The following PIGU variants were observed in gnomAD, a reference collection of about 807,000 sequenced individuals.
PIGU encodes the protein GPI-anchor transamidase component PIGU.
PIGU carries 24 observed loss-of-function variants against 49.9 expected under a neutral mutation model. The observed-to-expected ratio is 0.48, with a 90% CI of 0.35 to 0.68. The LOEUF (loss-of-function observed/expected upper bound fraction) is 0.68. Ranked by LOEUF, PIGU falls within the 30% of genes least tolerant of loss-of-function variation. PIGU has a pLI of 0.01. For missense variants in PIGU, 490 were observed against 532.6 expected, an observed-to-expected ratio of 0.92 and a Z score of 0.79; for synonymous variants, 220 against 205.7, an observed-to-expected ratio of 1.07 and a Z score of -0.59.
At chr20:34,633,727 C>A (rs1985868612) in intron 6 of PIGU, among the ~76,000 whole-genome samples, 1 of 151,954 alleles carries the variant, frequency 6.6e-6, no homozygotes, top group South Asian at 2.1e-4. Flanking sequence ...ACCACCACAC[C>A]CGGCTAATTT....
At chr20:34,663,144 A>G (rs1986979745) in intron 1 of PIGU, among the ~76,000 whole-genome samples, 1 of 152,146 alleles carries the variant, frequency 6.6e-6, no homozygotes, top group Non-Finnish European at 1.5e-5. Flanking sequence ...GGCTCAAGCC[A>G]TCTTCCCACC....
chr20:34,676,878 A>T lies in PIGU; in HGVS notation c.130+78T>A, dbSNP rs1014151052. On this transcript the variant is annotated intron_variant, in intron 1 of 11. Transcript: ENST00000217446. ...CTCTAGGAACCGCGCGCTGGCGGTC[A>T]CTGCCCCCGCCTCCCATTCACAGAG... 74 of 1,521,576 alleles carry T rather than the reference A, an allele frequency of 4.9e-5. 5 individuals carry two copies. The African/African-American group carries it at 7.2e-4, about 15-fold the overall frequency. 94.3% of individuals were successfully genotyped at this position (1,521,576 alleles called of 1,614,324 possible).
chr20:34,658,906 G>T (rs1351779434), intron 1 of PIGU, among the ~76,000 whole-genome samples: 3 of 151,186 alleles, frequency 2.0e-5, no homozygotes, highest in Admixed American at 6.6e-5. Flanking sequence ...GGAGGTGGGG[G>T]TCAACCCCCG....
rs1251596689 is a variant in PIGU, at chr20:34,560,733, CAG to C, written c.*131_*132del. ...GTCAGCCATGGGTCCCTTTTGGTAC[CAG>C]AGACTTGTGACCCTGGACTCGAACC... On this transcript the variant is annotated 3_prime_UTR_variant, in exon 12 of 12. Transcript: ENST00000217446. 3.3e-6 allele frequency: 2 copies of C among 606,004 alleles called. No individual in the cohort carries two copies. The highest frequency in any genetic ancestry group is 4.6e-4 in the Middle Eastern group (1 of 2,174). The allele number at this position is 606,004 out of a possible 1,614,324, so 37.5% of individuals were successfully genotyped here. A position where few individuals can be genotyped will look rare whatever the true frequency, so the allele number is the denominator to read the frequency against.
At chr20:34,570,324 G>C (rs1337782014) in intron 11 of PIGU, among the ~76,000 whole-genome samples, 2 of 152,214 alleles carry the variant, frequency 1.3e-5, no homozygotes, top group African/African-American at 4.8e-5. Context: ...AGAATGGTTC[G>C]GAAGGCCATC....
At chr20:34,584,679 TTTGTTGTTG>T (rs551968386) in intron 9 of PIGU, among the ~76,000 whole-genome samples, 1 of 150,566 alleles carries the variant, frequency 6.6e-6, no homozygotes, top group African/African-American at 2.4e-5. Flanking sequence ...CTGGCTAATT[TTTGTTGTTG>T]TTGTTGTTGT....
chr20:34,654,109 G>T (rs1986630993), intron 2 of PIGU, among the ~76,000 whole-genome samples: 1 of 106,124 alleles, frequency 9.4e-6, no homozygotes, highest in South Asian at 2.7e-4. Flanking sequence ...CGCCCGCCTA[G>T]GCTTCCCAAA....
intron 11 of PIGU, among the ~76,000 whole-genome samples, chr20:34,563,869 G>A (rs980547479): frequency 6.6e-5 from 10 of 152,138 alleles, no homozygotes; most frequent in Admixed American, 4.6e-4. Flanking sequence ...TTGAAATCAC[G>A]TGGCTAGCAT....
chr20:34,673,485 ATC>A (rs761442286), intron 1 of PIGU, among the ~76,000 whole-genome samples: 2 of 152,098 alleles, frequency 1.3e-5, no homozygotes, highest in Admixed American at 6.6e-5. Flanking sequence ...TGGTTAACAA[ATC>A]TCTCTCTCTT....
rs148128767 is a variant in PIGU, at chr20:34,581,609, C to T, written c.990G>A (p.Pro330=). 4.3e-6 allele frequency: 7 copies of T among 1,613,782 alleles called. No homozygotes were observed. The highest frequency in any genetic ancestry group is 2.7e-5 in the African/African-American group (2 of 74,876). ...IAVIAIFKSY[P]TVGDVALYMA... is the part of the protein sequence containing the mutation. ...TGTAGAGCGCCACGTCCCCCACTGT[C>T]GGGTAGGACTTAAAGATGGCGATGA... Residue 330 remains proline (P), a synonymous_variant, in exon 10 of 12, where the codon CCG becomes CCA. Transcript: ENST00000217446.
At chr20:34,561,834 A>C (rs1024518631) in intron 11 of PIGU, among the ~76,000 whole-genome samples, 1 of 151,862 alleles carries the variant, frequency 6.6e-6, no homozygotes, top group African/African-American at 2.4e-5. Context: ...CTTACTCTTC[A>C]GGGCTCAGGA....
rs1986018505 is a variant in PIGU, at chr20:34,637,935, C to T, written c.369G>A (p.Val123=). Residue 123 remains valine (V), a synonymous_variant, in exon 5 of 12, where the codon GTG becomes GTA. Coordinates refer to ENST00000217446, the MANE Select transcript of PIGU (RefSeq NM_080476.5). The part of the protein sequence containing the change: ...LLELDQYAPD[V]AELIRTPMEM... ...CCATAGGGGTCCGGATGAGTTCGGC[C>T]ACATCTGGGGCATACTGGTCCAGTT... The T allele has an allele frequency of 1.9e-6, 3 of 1,607,312 alleles. No homozygotes were observed. The highest frequency in any genetic ancestry group is 2.7e-5 in the African/African-American group (2 of 74,274).
intron 9 of PIGU, 49 bp downstream of exon 9, chr20:34,585,388 C>G: frequency 6.3e-7 from 1 of 1,582,574 alleles, no homozygotes; most frequent in Non-Finnish European, 8.6e-7. Context: ...GAGGCAGGGG[C>G]TTCTCGGACA....
At chr20:34,607,090 A>G (rs899412554) in intron 7 of PIGU, among the ~76,000 whole-genome samples, 1 of 152,358 alleles carries the variant, frequency 6.6e-6, no homozygotes, top group South Asian at 2.1e-4. Flanking sequence ...TGCTATTAGC[A>G]AAGAATCTAG....
chr20:34,656,840 T>C (rs541821728), intron 2 of PIGU, among the ~76,000 whole-genome samples: 1 of 151,806 alleles, frequency 6.6e-6, no homozygotes, highest in African/African-American at 2.4e-5. Flanking sequence ...ATTACTGCCG[T>C]AGTTTTCATG....
intron 1 of PIGU, 112 bp from the exon 2 acceptor site, chr20:34,657,356 C>T (rs926530982): frequency 5.6e-6 from 4 of 715,148 alleles, no homozygotes; most frequent in African/African-American, 5.4e-5. Flanking sequence ...CCCCCTTTAC[C>T]TCATCCCCAG....
Position 34,581,575 on chromosome 20 carries a change from A to G in PIGU, c.1024T>C (p.Phe342Leu), listed in dbSNP as rs771353207. Reference sequence around the variant, plus strand: ...CTGTAGAGATGGTTCCACACGGGGAAGAAGGCCATGTAGAGCGCCACGTCC... The same window carrying G: ...CTGTAGAGATGGTTCCACACGGGGAGGAAGGCCATGTAGAGCGCCACGTCC... ...VGDVALYMAFFPVWNHLYRFL... is the reference protein window; with the variant it reads ...VGDVALYMAFLPVWNHLYRFL... The change falls in exon 10 of 12, where the codon TTC becomes CTC. Residue 342 changes from phenylalanine to leucine, a missense_variant. Transcript: ENST00000217446. 6.2e-7 allele frequency: 1 copy of G among 1,613,912 alleles called. No individual in the cohort carries two copies. Among genetic ancestry groups the G allele is most frequent in the Non-Finnish European group, 8.5e-7 (1 of 1,179,962 alleles).
chr20:34,643,628 C>T (rs1986237609), intron 4 of PIGU: 1 of 152,322 alleles, frequency 6.6e-6, no homozygotes, highest in African/African-American at 2.4e-5. Flanking sequence ...CTATGCAATT[C>T]TCCTTGGCTA....
At chr20:34,612,984 AAAATATAC>A (rs1029989919) in intron 7 of PIGU, among the ~76,000 whole-genome samples, 1 of 152,172 alleles carries the variant, frequency 6.6e-6, no homozygotes, top group Non-Finnish European at 1.5e-5. Flanking sequence ...ATATTTATAA[AAAATATAC>A]AAATATAGTA....
Sources: gnomAD v4.1 joint callset for allele counts (sites outside exome capture counted in the v4.1 genomes callset) on GRCh38, gnomAD v4.1.1 for gene constraint, MANE v1.5 for transcripts, NCBI Gene and HGNC (gene_info 2026-07-23, HGNC 2026-07-21) for gene names.